LAP3: variants seen among roughly 807,000 people sequenced by gnomAD.
The protein encoded by LAP3 is leucine aminopeptidase 3.
Under a neutral mutation model 58.8 loss-of-function variants are expected in LAP3, and 46 were observed. That is an observed-to-expected ratio of 0.78 (90% confidence interval 0.62 to 1.00). LAP3 has a LOEUF of 1.00. Among genes scored for constraint, LAP3 ranks in the 50% least tolerant of loss-of-function variants. The probability of loss-of-function intolerance (pLI) is 0.00; values close to 1 mark genes in which losing one functional copy is unlikely to be tolerated. For missense variants in LAP3, 615 were observed against 659.1 expected (o/e 0.93, Z 0.73); for synonymous variants, 257 against 237.7 (o/e 1.08, Z -0.75).
chr4:17,593,907 T>TC, intron 7 of LAP3, among the ~76,000 whole-genome samples: 1 of 152,002 alleles, frequency 6.6e-6, no homozygotes, highest in Non-Finnish European at 1.5e-5. Context: ...GCCACCACAC[T>TC]CGGTGAATCT....
chr4:17,577,759 G>T (rs1431866498), intron 1 of LAP3, among the ~76,000 whole-genome samples, 192 bp downstream of exon 1: 1 of 152,238 alleles, frequency 6.6e-6, no homozygotes, highest in Non-Finnish European at 1.5e-5. Context: ...TATTGAGGGC[G>T]CGATTCCCCT....
chr4:17,577,341 C>A lies in LAP3; in HGVS notation c.-125C>A. On this transcript the variant is annotated 5_prime_UTR_variant, in exon 1 of 13. Transcript: ENST00000226299. ...CCCGCCCCCTAGACGCACGTCCGCT[C>A]GCCCGGCGCCCGAGCCAGTCCGCGC... is the stretch of plus-strand genomic sequence containing the variant. 4 of 492,988 alleles carry A rather than the reference C, an allele frequency of 8.1e-6. No homozygotes were observed. Among genetic ancestry groups the A allele is most frequent in the Non-Finnish European group, 1.2e-5 (4 of 321,968 alleles). The allele number at this position is 492,988 out of a possible 1,614,324, so 30.5% of individuals were successfully genotyped here.
At chr4:17,605,476 T>C (rs764210018) in intron 11 of LAP3, among the ~76,000 whole-genome samples, 1 of 152,240 alleles carries the variant, frequency 6.6e-6, no homozygotes, top group Non-Finnish European at 1.5e-5. Flanking sequence ...ATGTGGCTGC[T>C]AGACAGCTCC....
chr4:17,599,346 G>A (rs1713931790), intron 10 of LAP3, among the ~76,000 whole-genome samples: 1 of 152,056 alleles, frequency 6.6e-6, no homozygotes, highest in Non-Finnish European at 1.5e-5. Context: ...AGACCATCCT[G>A]GCCAACATGG....
At chr4:17,582,224 T>A (rs1366352985) in intron 3 of LAP3, 64 bp from the exon 4 acceptor site, 1 of 1,333,644 alleles carries the variant, frequency 7.5e-7, no homozygotes, top group Non-Finnish European at 1.1e-6. Flanking sequence ...ACATGTAGAA[T>A]TCCTTGCTGG....
intron 8 of LAP3, among the ~76,000 whole-genome samples, chr4:17,596,619 A>G (rs1190314761): frequency 6.6e-6 from 1 of 152,206 alleles, no homozygotes; most frequent in Admixed American, 6.5e-5. Context: ...GATTACAGGC[A>G]TGAGCCACCG....
At chr4:17,602,097 A>G (rs914768624) in intron 10 of LAP3, among the ~76,000 whole-genome samples, 4 of 152,124 alleles carry the variant, frequency 2.6e-5, no homozygotes, top group Admixed American at 2.6e-4. Context: ...AAGACTATAG[A>G]TTGCCCCCAG....
intron 7 of LAP3, among the ~76,000 whole-genome samples, chr4:17,594,356 G>A (rs1713776098): frequency 6.6e-6 from 1 of 152,162 alleles, no homozygotes; most frequent in Admixed American, 6.5e-5. Flanking sequence ...TTAATTCTTG[G>A]TGAACATGCC....
At chr4:17,606,792 C>A in intron 11 of LAP3, 37 bp from the exon 12 acceptor site, 2 of 1,419,268 alleles carry the variant, frequency 1.4e-6, no homozygotes, top group Non-Finnish European at 2.0e-6. Flanking sequence ...CACAACCTGC[C>A]TCATCCACTC....
At chr4:17,607,073 A>G in intron 12 of LAP3, 135 bp downstream of exon 12, 2 of 585,286 alleles carry the variant, frequency 3.4e-6, no homozygotes, top group Non-Finnish European at 5.8e-6. Flanking sequence ...AAGATTTTTA[A>G]TGTCTTGAAT....
At chr4:17,579,783 A>G in intron 1 of LAP3, 41 bp from the exon 2 acceptor site, 2 of 1,110,218 alleles carry the variant, frequency 1.8e-6, no homozygotes, top group Non-Finnish European at 2.7e-6. Flanking sequence ...TAAGGGATCT[A>G]CTCTAATTCT....
At chr4:17,590,816 C>T (rs373943138) in intron 7 of LAP3, among the ~76,000 whole-genome samples, 9 of 152,182 alleles carry the variant, frequency 5.9e-5, no homozygotes, top group East Asian at 5.8e-4. Context: ...GTCATCTGCC[C>T]GCCTCGGTCT....
chr4:17,581,587 A>C (rs1299648752), intron 2 of LAP3, among the ~76,000 whole-genome samples, 173 bp from the exon 3 acceptor site: 1 of 152,142 alleles, frequency 6.6e-6, no homozygotes, highest in Non-Finnish European at 1.5e-5. Context: ...TAAAAAAAAA[A>C]AAAAGAAAGA....
At position 17,593,609 on chromosome 4, in the gene LAP3, G is replaced by GTTT. The variant is rs55676326; in HGVS notation, c.864-1783_864-1781dup. Among the ~76,000 whole-genome samples the GTTT allele has an allele frequency of 3.2e-4, 28 of 87,594 alleles. 2 individuals carry two copies. Among genetic ancestry groups the GTTT allele is most frequent in the East Asian group, 8.7e-4 (2 of 2,300 alleles). The allele number at this position is 87,594 out of a possible 152,430, so 57.5% of individuals were successfully genotyped here. ...CATATACATTTTAGAATCTGCTTGG[G>GTTT]TTTTTTTTTTTTTTTTTTTTGAGAC... is the stretch of plus-strand genomic sequence containing the variant. On this transcript the variant is annotated intron_variant, in intron 7 of 12. Coordinates refer to ENST00000226299, the MANE Select transcript of LAP3 (RefSeq NM_015907.3).
Position 17,598,560 on chromosome 4 carries a change from T to A in LAP3, c.1180+2T>A, listed in dbSNP as rs1200145588. ...TCCTCAATGCCGCCACCTTAACAGG[T>A]CAGACCGCGCACTTGCCTTGATTTT... On this transcript the variant is annotated splice_donor_variant, in intron 10 of 12. Transcript: ENST00000226299. LOFTEE classifies it high-confidence loss of function. 2 of 1,604,642 alleles carry A rather than the reference T, an allele frequency of 1.2e-6. No homozygotes were observed. Among genetic ancestry groups the A allele is most frequent in the Non-Finnish European group, 8.5e-7 (1 of 1,171,474 alleles).
At chr4:17,582,815 G>T in intron 4 of LAP3, 1 of 168,604 alleles carries the variant, frequency 5.9e-6, no homozygotes, top group Non-Finnish European at 1.3e-5. Context: ...AAAGGTGTGT[G>T]CCTGTCCCAG....
At chr4:17,606,123 T>C (rs1048792074) in intron 11 of LAP3, among the ~76,000 whole-genome samples, 2 of 152,050 alleles carry the variant, frequency 1.3e-5, no homozygotes, top group Non-Finnish European at 2.9e-5. Context: ...AGTGAGTGGG[T>C]AAGTGATGAA....
At chr4:17,586,124 G>A (rs941239953) in intron 6 of LAP3, 3 of 152,234 alleles carry the variant, frequency 2.0e-5, no homozygotes, top group Non-Finnish European at 1.5e-5. Context: ...GTCAGTGGGA[G>A]GCTGTTGGAG....
In LAP3 at chr4:17,579,884, G is replaced by A; in HGVS notation, c.163G>A (p.Ala55Thr). The change falls in exon 2 of 13, where the codon GCA (alanine) becomes ACA (threonine). Residue 55 changes from alanine to threonine, a missense_variant. Physicochemically the swap from Ala to Thr is moderately conservative, Grantham distance 58 (BLOSUM62 0). Coordinates refer to ENST00000226299, the MANE Select transcript of LAP3 (RefSeq NM_015907.3). Reference protein sequence around the residue: ...KEDDVPQFTSAGENFDKLLAG... With the variant: ...KEDDVPQFTSTGENFDKLLAG... Reference sequence around the variant, plus strand: ...AGATGATGTGCCACAGTTCACAAGTGCAGGAGAGAATTTTGATAAATTGTT... The same window carrying A: ...AGATGATGTGCCACAGTTCACAAGTACAGGAGAGAATTTTGATAAATTGTT... The A allele has an allele frequency of 6.2e-7, 1 of 1,612,506 alleles. No individual in the cohort carries two copies. The highest frequency in any genetic ancestry group is 8.5e-7 in the Non-Finnish European group (1 of 1,179,230).
Sources: gnomAD v4.1 joint callset for allele counts (sites outside exome capture counted in the v4.1 genomes callset) on GRCh38, gnomAD v4.1.1 for gene constraint, MANE v1.5 for transcripts, NCBI Gene and HGNC (gene_info 2026-07-23, HGNC 2026-07-21) for gene names.